MYOCD: variants seen among roughly 807,000 people sequenced by gnomAD.
MYOCD encodes the protein myocardin.
Under a neutral mutation model 96.1 loss-of-function variants are expected in MYOCD, and 32 were observed. That is an observed-to-expected ratio of 0.33 (90% confidence interval 0.25 to 0.45). The LOEUF (loss-of-function observed/expected upper bound fraction) is 0.45, where lower values mean the gene tolerates loss of function less well. Among genes scored for constraint, MYOCD ranks in the 20% least tolerant of loss-of-function variants. The pLI, the probability that MYOCD is intolerant of heterozygous loss-of-function variation, is 1.00. For synonymous variants in MYOCD, 469 were observed against 469.0 expected (o/e 1.00, Z 0.00); for missense variants, 1,133 against 1,200.6 (o/e 0.94, Z 0.83).
Position 12,739,311 on chromosome 17 carries a change from G to A in MYOCD, c.700G>A (p.Val234Met), listed in dbSNP as rs777122052. The A allele has an allele frequency of 1.1e-5, 18 of 1,601,190 alleles. No homozygotes were observed. Among genetic ancestry groups the A allele is most frequent in the Admixed American group, 7.0e-5 (4 of 57,094 alleles). The change falls in exon 7 of 14, where the codon GTG becomes ATG. Residue 234 changes from valine (V) to methionine (M), a missense_variant. Val to Met is a conservative substitution (Grantham distance 21). Coordinates refer to ENST00000425538, the MANE Select transcript of MYOCD (RefSeq NM_001146312.3). ...TGGCCCCCCCAGCACCCCCATAGCC[G>A]TGCATGCTGCTGTAAAGGTACGGAC... The part of the protein sequence containing the change: ...GLGPPSTPIA[V>M]HAAVKSKSLG...
intron 5 of MYOCD, among the ~76,000 whole-genome samples, chr17:12,729,157 A>G (rs2032092403): frequency 6.6e-6 from 1 of 152,258 alleles, no homozygotes; most frequent in African/African-American, 2.4e-5. Context: ...TTGCTTTGGC[A>G]TAACTTTCTC....
chr17:12,767,833 G>A lies in MYOCD; in HGVS notation c.*4189G>A, dbSNP rs1405880003. On this transcript the variant is annotated 3_prime_UTR_variant, in exon 14 of 14. Transcript: ENST00000425538. ...GATACAGAAGCCCCTTGAAAATAAG[G>A]AAAGGGTGGAGGAAGCATTTTTGTG... The A allele has an allele frequency of 6.6e-6, 1 of 152,152 alleles. No homozygotes were observed. The highest frequency in any genetic ancestry group is 1.5e-5 in the Non-Finnish European group (1 of 68,028). The allele number at this position is 152,152 out of a possible 1,614,324, so 9.4% of individuals were successfully genotyped here.
At chr17:12,742,528 CGTGTTCTTCA>C (rs1347147469) in intron 7 of MYOCD, among the ~76,000 whole-genome samples, 1 of 152,030 alleles carries the variant, frequency 6.6e-6, no homozygotes, top group Non-Finnish European at 1.5e-5. Flanking sequence ...TCATGACATC[CGTGTTCTTCA>C]TTTCAACCTT....
chr17:12,699,918 T>C (rs1200372943), intron 1 of MYOCD, among the ~76,000 whole-genome samples: 5 of 145,206 alleles, frequency 3.4e-5, no homozygotes, highest in Non-Finnish European at 6.1e-5. Flanking sequence ...CTTTTTTTTT[T>C]TTTTTTTTGA....
intron 2 of MYOCD, among the ~76,000 whole-genome samples, chr17:12,710,706 C>T (rs948816937): frequency 1.3e-5 from 2 of 152,150 alleles, no homozygotes; most frequent in African/African-American, 2.4e-5. Context: ...CCCCACAGCA[C>T]CCTACCACAC....
chr17:12,764,890 G>T lies in MYOCD; in HGVS notation c.*1246G>T, dbSNP rs2033293714. ...GCACAGTTTGCTGCAAAAGGAAGTT[G>T]CAAGAATTTCTTGAGGAAGAAACTG... On this transcript the variant is annotated 3_prime_UTR_variant, in exon 14 of 14. Transcript: ENST00000425538. 1 of 152,194 alleles carries T rather than the reference G, an allele frequency of 6.6e-6. No individual in the cohort carries two copies. The highest frequency in any genetic ancestry group is 1.5e-5 in the Non-Finnish European group (1 of 68,040). 9.4% of individuals were successfully genotyped at this position (152,194 alleles called of 1,614,324 possible). A position where few individuals can be genotyped will look rare whatever the true frequency, so the allele number is the denominator to read the frequency against.
At chr17:12,756,242 G>A (rs1055505825) in intron 10 of MYOCD, among the ~76,000 whole-genome samples, 172 bp from the exon 11 acceptor site, 1 of 152,206 alleles carries the variant, frequency 6.6e-6, no homozygotes, top group East Asian at 1.9e-4. Flanking sequence ...TTTCTGAGCA[G>A]TAGGTGATGT....
chr17:12,710,387 C>A, intron 2 of MYOCD: 1 of 464,594 alleles, frequency 2.2e-6, no homozygotes, highest in Non-Finnish European at 2.8e-6. Flanking sequence ...CCCCTGCTGG[C>A]CAGAATGAAA....
chr17:12,700,852 C>T (rs1316717767), intron 1 of MYOCD, among the ~76,000 whole-genome samples: 1 of 152,058 alleles, frequency 6.6e-6, no homozygotes, highest in East Asian at 1.9e-4. Flanking sequence ...CCTATCACAT[C>T]TGGATAGAAA....
chr17:12,709,734 A>G (rs1013590842), intron 2 of MYOCD, among the ~76,000 whole-genome samples: 2 of 152,172 alleles, frequency 1.3e-5, no homozygotes, highest in Non-Finnish European at 2.9e-5. Flanking sequence ...TTTGGGCTCA[A>G]GGTTGCAAGA....
chr17:12,723,140 CCAGTT>C (rs1422498486), intron 5 of MYOCD, 132 bp downstream of exon 5: 1 of 827,644 alleles, frequency 1.2e-6, no homozygotes, highest in Admixed American at 2.8e-5. Flanking sequence ...GGTTGTTAGT[CCAGTT>C]AATTCTCCAT....
chr17:12,668,535 TC>T (rs1449549469), intron 1 of MYOCD, among the ~76,000 whole-genome samples: 1 of 152,188 alleles, frequency 6.6e-6, no homozygotes, highest in Non-Finnish European at 1.5e-5. Flanking sequence ...TTGAGTGACC[TC>T]GTGATTAAGG....
At position 12,765,896 on chromosome 17, in the gene MYOCD, A is replaced by T. The variant is rs536316967; in HGVS notation, c.*2252A>T. On this transcript the variant is annotated 3_prime_UTR_variant, in exon 14 of 14. Coordinates refer to ENST00000425538, the MANE Select transcript of MYOCD (RefSeq NM_001146312.3). ...ATGAAAGGAACAAGAAAATCATTTT[A>T]CATTCCTTTTATCTGTATTGTGCTT... The T allele has an allele frequency of 6.6e-6, 1 of 152,372 alleles. No individual in the cohort carries two copies. The highest frequency in any genetic ancestry group is 6.5e-5 in the Admixed American group (1 of 15,302). 9.4% of individuals were successfully genotyped at this position (152,372 alleles called of 1,614,324 possible).
At chr17:12,754,025 TAGA>T (rs1262875484) in intron 10 of MYOCD, among the ~76,000 whole-genome samples, 3 of 151,884 alleles carry the variant, frequency 2.0e-5, no homozygotes, top group Non-Finnish European at 4.4e-5. Flanking sequence ...TGTACTATAT[TAGA>T]AGATGACACA....
chr17:12,670,045 G>A (rs1783012596), intron 1 of MYOCD, among the ~76,000 whole-genome samples: 1 of 152,136 alleles, frequency 6.6e-6, no homozygotes, highest in Admixed American at 6.5e-5. Context: ...GCCAGCTTAT[G>A]GGTGAGGAAG....
chr17:12,750,132 C>T (rs905159840), intron 9 of MYOCD, among the ~76,000 whole-genome samples: 3 of 152,020 alleles, frequency 2.0e-5, no homozygotes, highest in African/African-American at 7.2e-5. Flanking sequence ...CCACGGCGCC[C>T]GGCTAAAGTT....
At chr17:12,678,504 T>A (rs1910239717) in intron 1 of MYOCD, among the ~76,000 whole-genome samples, 1 of 151,796 alleles carries the variant, frequency 6.6e-6, no homozygotes, top group Non-Finnish European at 1.5e-5. Flanking sequence ...CTCTTATAAT[T>A]GAGAATGCTG....
chr17:12,711,630 T>C (rs72811289), intron 2 of MYOCD, among the ~76,000 whole-genome samples: 22,844 of 152,146 alleles, frequency 0.15, 2,274 homozygotes, highest in African/African-American at 0.29. Context: ...CAATGAAAAG[T>C]GACAGCTTTG....
In MYOCD at chr17:12,713,781, A is replaced by T. The variant is rs932154036; in HGVS notation, c.122-1738A>T. Among the ~76,000 whole-genome samples the T allele has an allele frequency of 7.4e-4, 113 of 152,280 alleles. 1 individual carries two copies. The highest frequency in any genetic ancestry group is 2.6e-4 in the Non-Finnish European group (18 of 68,024). On this transcript the variant is annotated intron_variant, in intron 2 of 13. Transcript: ENST00000425538. ...TCAAACACAGGAAAAGGCAAGCCTTATTAAGGATGATGACCAGACCCAACT... is the reference window on the plus strand; with the variant it reads ...TCAAACACAGGAAAAGGCAAGCCTTTTTAAGGATGATGACCAGACCCAACT...
Sources: gnomAD v4.1 joint callset for allele counts (sites outside exome capture counted in the v4.1 genomes callset) on GRCh38, gnomAD v4.1.1 for gene constraint, MANE v1.5 for transcripts, NCBI Gene and HGNC (gene_info 2026-07-23, HGNC 2026-07-21) for gene names.